Variants in PABPC5 observed in about 807,000 individuals in gnomAD.
PABPC5 encodes poly(A) binding protein cytoplasmic 5.
Under a neutral mutation model 12.6 loss-of-function variants are expected in PABPC5, and 6 were observed. The ratio of observed to expected loss-of-function variants is 0.48; its 90% CI spans 0.26 to 0.94. The LOEUF is 0.94. Ranked by LOEUF, PABPC5 falls within the 40% of genes least tolerant of loss-of-function variation. The pLI is 0.14. For synonymous variants in PABPC5, 124 were observed against 118.4 expected (o/e 1.05, Z -0.31); for missense variants, 244 against 302.8 (o/e 0.81, Z 1.44).
Position 91,436,108 on chromosome X carries a change from T to C in PABPC5, c.531T>C (p.Val177=). Residue 177 remains valine, a synonymous_variant, in exon 2 of 2, where the codon GTT becomes GTC. Coordinates refer to ENST00000312600, the MANE Select transcript of PABPC5 (RefSeq NM_080832.3). ...GGCTCAACAACCGCCAGGTGTATGT[T>C]GGCAGATTCAAATTCCCAGAAGAGC... ...GVRLNNRQVY[V]GRFKFPEERA... The C allele has an allele frequency of 4.1e-6, 5 of 1,211,936 alleles. No individual in the cohort carries two copies. Among genetic ancestry groups the C allele is most frequent in the Non-Finnish European group, 5.6e-6 (5 of 895,598 alleles).
intron 1 of PABPC5, 131 bp from the exon 2 acceptor site, chrX:91,435,304 G>A: frequency 3.5e-6 from 1 of 283,653 alleles, no homozygotes; most frequent in East Asian, 5.4e-5. Context: ...TTTTGAAACT[G>A]ATTTTAAATC....
In PABPC5 at chrX:91,437,460, G is replaced by T. The variant is rs1191514333; in HGVS notation, c.*734G>T. On this transcript the variant is annotated 3_prime_UTR_variant, in exon 2 of 2. Transcript: ENST00000312600. ...AAACCTTTCCTAAGAGATTTGGTAT[G>T]TGAGGATACTTTCAGTACCACTCCT... 8.1e-6 allele frequency: 1 copy of T among 123,050 alleles called. No individual in the cohort carries two copies. The highest frequency in any genetic ancestry group is 9.5e-5 in the Admixed American group (1 of 10,551). 10.1% of individuals were successfully genotyped at this position (123,050 alleles called of 1,213,427 possible).
rs898095509 is a variant in PABPC5 at position 91,436,626 on chromosome X, C to T, written c.1049C>T (p.Ser350Phe). Reference sequence around the variant, plus strand: ...GGATTTGGTGTGGTCTGCTTTTCCTCTTTTGAAGAGGCTACCAAAGCAGTG... The same window carrying T: ...GGATTTGGTGTGGTCTGCTTTTCCTTTTTTGAAGAGGCTACCAAAGCAGTG... ...GKGFGVVCFS[S>F]FEEATKAVDE... Residue 350 changes from serine (S) to phenylalanine (F), a missense_variant, in exon 2 of 2, where the codon TCT (serine) becomes TTT (phenylalanine). Ser to Phe is a radical substitution (Grantham distance 155). This residue lies in a region of PABPC5 where 211 missense variants were observed against 261.5 expected (regional missense o/e 0.81). Coordinates refer to ENST00000312600, the MANE Select transcript of PABPC5 (RefSeq NM_080832.3). 5 of 1,211,511 alleles carry T rather than the reference C, an allele frequency of 4.1e-6. No individual in the cohort carries two copies. The highest frequency in any genetic ancestry group is 5.6e-6 in the Non-Finnish European group (5 of 895,489).
chrX:91,435,408 A>C (rs1931580731), intron 1 of PABPC5, 27 bp from the exon 2 acceptor site: 3 of 450,188 alleles, frequency 6.7e-6, no homozygotes, highest in Non-Finnish European at 1.1e-5. Flanking sequence ...CCTGCTGACC[A>C]GCTGTTTCTG....
rs1411003864 is a variant in PABPC5 at position 91,436,315 on chromosome X, T to C, written c.738T>C (p.Tyr246=). The change falls in exon 2 of 2, where the codon TAT becomes TAC. Residue 246 remains tyrosine, a synonymous_variant. Transcript: ENST00000312600. ...CTAAAGGCTTTGGATTTGTGAGATATGAGACACACGAGGCTGCCCAAAAGG... is the reference window on the plus strand; with the variant it reads ...CTAAAGGCTTTGGATTTGTGAGATACGAGACACACGAGGCTGCCCAAAAGG... ...GKSKGFGFVR[Y]ETHEAAQKAV... is the part of the protein sequence containing the mutation. 4 of 1,209,819 alleles carry C rather than the reference T, an allele frequency of 3.3e-6. No individual in the cohort carries two copies. Among genetic ancestry groups the C allele is most frequent in the Non-Finnish European group, 4.5e-6 (4 of 895,316 alleles).
rs1931584777 is a variant in PABPC5, at chrX:91,435,588, G to A, written c.11G>A (p.Gly4Glu). 1 of 1,204,156 alleles carries A rather than the reference G, an allele frequency of 8.3e-7. No individual in the cohort carries two copies. The highest frequency in any genetic ancestry group is 1.1e-6 in the Non-Finnish European group (1 of 891,185). Residue 4 changes from glycine (G) to glutamate (E), a missense_variant, in exon 2 of 2, where the codon GGG (glycine) becomes GAG (glutamate). Gly to Glu is a moderately conservative substitution (Grantham distance 98). Coordinates refer to ENST00000312600, the MANE Select transcript of PABPC5 (RefSeq NM_080832.3). ...CCAGTGCTCAGAGAGATGGGGAGCGGGGAGCCTAATCCTGCTGGCAAGAAA... is the reference window on the plus strand; with the variant it reads ...CCAGTGCTCAGAGAGATGGGGAGCGAGGAGCCTAATCCTGCTGGCAAGAAA... MGS[G>E]EPNPAGKKKK...
rs770843647 is a variant in PABPC5 at position 91,436,201 on chromosome X, C to T, written c.624C>T (p.Asp208=). The change falls in exon 2 of 2, where the codon GAC becomes GAT. Residue 208 remains aspartate, a synonymous_variant. Coordinates refer to ENST00000312600, the MANE Select transcript of PABPC5 (RefSeq NM_080832.3). Reference sequence around the variant, plus strand: ...ATGTTTTCGTTAAAAACATTGGAGACGACATAGATGACGAAAAACTGAAGG... The same window carrying T: ...ATGTTTTCGTTAAAAACATTGGAGATGACATAGATGACGAAAAACTGAAGG... ...FTNVFVKNIG[D]DIDDEKLKEL... 3.3e-6 allele frequency: 4 copies of T among 1,211,215 alleles called. No individual in the cohort carries two copies. In the Admixed American group the frequency reaches 6.5e-5, roughly 20 times the overall value.
At position 91,436,705 on chromosome X, in the gene PABPC5, C is replaced by T. The variant is rs750384974; in HGVS notation, c.1128C>T (p.Gly376=). Reference sequence around the variant, plus strand: ...CCAAGCCCCTGCATGTCACCCTGGGCCAGGCCAGGCGCAGGTGCTGAGAAT... The same window carrying T: ...CCAAGCCCCTGCATGTCACCCTGGGTCAGGCCAGGCGCAGGTGCTGAGAAT... ...VGSKPLHVTL[G]QARRRC The change falls in exon 2 of 2, where the codon GGC becomes GGT. Residue 376 remains glycine, a synonymous_variant. Coordinates refer to ENST00000312600, the MANE Select transcript of PABPC5 (RefSeq NM_080832.3). 8.3e-7 allele frequency: 1 copy of T among 1,208,637 alleles called. No homozygotes were observed. The highest frequency in any genetic ancestry group is 2.2e-5 in the Admixed American group (1 of 45,913).
rs1569326903 is a variant in PABPC5 at position 91,435,937 on chromosome X, G to C, written c.360G>C (p.Arg120Ser). ...IKNLDKSIDN[R>S]ALFYLFSAFG... is the part of the protein sequence containing the mutation. ...ACCTGGACAAATCCATAGACAATAG[G>C]GCCCTGTTTTACTTATTTTCTGCTT... The change falls in exon 2 of 2, where the codon AGG becomes AGC. Residue 120 changes from arginine (R) to serine (S), a missense_variant. Coordinates refer to ENST00000312600, the MANE Select transcript of PABPC5 (RefSeq NM_080832.3). 1 of 1,211,284 alleles carries C rather than the reference G, an allele frequency of 8.3e-7. No homozygotes were observed.
In PABPC5 at chrX:91,436,943, C is replaced by G; in HGVS notation, c.*217C>G. The G allele has an allele frequency of 2.6e-6, 1 of 381,727 alleles. No homozygotes were observed. The highest frequency in any genetic ancestry group is 4.5e-6 in the Non-Finnish European group (1 of 220,358). 31.5% of individuals were successfully genotyped at this position (381,727 alleles called of 1,213,427 possible). A position where few individuals can be genotyped will look rare whatever the true frequency, so the allele number is the denominator to read the frequency against. Reference sequence around the variant, plus strand: ...TTTGTACTTTTTTTGATGTAATATCCTTAGAAATCTGTAGAATAAAGTGTA... The same window carrying G: ...TTTGTACTTTTTTTGATGTAATATCGTTAGAAATCTGTAGAATAAAGTGTA... On this transcript the variant is annotated 3_prime_UTR_variant, in exon 2 of 2. Coordinates refer to ENST00000312600, the MANE Select transcript of PABPC5 (RefSeq NM_080832.3).
At position 91,437,625 on chromosome X, in the gene PABPC5, A is replaced by G. The variant is rs1931624946; in HGVS notation, c.*899A>G. 8.1e-6 allele frequency: 1 copy of G among 123,343 alleles called. No homozygotes were observed. Among genetic ancestry groups the G allele is most frequent in the Non-Finnish European group, 1.9e-5 (1 of 53,167 alleles). 10.2% of individuals were successfully genotyped at this position (123,343 alleles called of 1,213,427 possible). ...TTCGGGTTTTATCAACTGTCAATAT[A>G]AAAGGCAGTACTCCACAGAATGATG... On this transcript the variant is annotated 3_prime_UTR_variant, in exon 2 of 2. Transcript: ENST00000312600.
chrX:91,436,834 G>A lies in PABPC5; in HGVS notation c.*108G>A. ...TAATTCACAAGTTTTTTTTTGAAGT[G>A]AATTCTTTTGAAAAAAAAATGCAAA... On this transcript the variant is annotated 3_prime_UTR_variant, in exon 2 of 2. Coordinates refer to ENST00000312600, the MANE Select transcript of PABPC5 (RefSeq NM_080832.3). 2 of 673,133 alleles carry A rather than the reference G, an allele frequency of 3.0e-6. No homozygotes were observed. Among genetic ancestry groups the A allele is most frequent in the Non-Finnish European group, 4.2e-6 (2 of 478,554 alleles). The allele number at this position is 673,133 out of a possible 1,213,427, so 55.5% of individuals were successfully genotyped here.
rs1931622748 is a variant in PABPC5 at position 91,437,490 on chromosome X, T to C, written c.*764T>C. The C allele has an allele frequency of 8.1e-6, 1 of 123,399 alleles. No individual in the cohort carries two copies. The highest frequency in any genetic ancestry group is 3.2e-5 in the African/African-American group (1 of 30,861). 10.2% of individuals were successfully genotyped at this position (123,399 alleles called of 1,213,427 possible). A position where few individuals can be genotyped will look rare whatever the true frequency, so the allele number is the denominator to read the frequency against. ...GATACTTTCAGTACCACTCCTACCA[T>C]TCATTTTTCTAAATTCCTTAGTACA... On this transcript the variant is annotated 3_prime_UTR_variant, in exon 2 of 2. Coordinates refer to ENST00000312600, the MANE Select transcript of PABPC5 (RefSeq NM_080832.3).
rs772131904 is a variant in PABPC5 at position 91,436,777 on chromosome X, G to C, written c.*51G>C. 9.3e-7 allele frequency: 1 copy of C among 1,078,408 alleles called. No individual in the cohort carries two copies. The highest frequency in any genetic ancestry group is 1.2e-6 in the Non-Finnish European group (1 of 810,691). The allele number at this position is 1,078,408 out of a possible 1,213,427, so 88.9% of individuals were successfully genotyped here. A position where few individuals can be genotyped will look rare whatever the true frequency, so the allele number is the denominator to read the frequency against. On this transcript the variant is annotated 3_prime_UTR_variant, in exon 2 of 2. Coordinates refer to ENST00000312600, the MANE Select transcript of PABPC5 (RefSeq NM_080832.3). Reference sequence around the variant, plus strand: ...GCCTTAGTTGGTGCCTCCTTAGTTTGGGCTCCTTTGTGATAAGGGGTTATT... The same window carrying C: ...GCCTTAGTTGGTGCCTCCTTAGTTTCGGCTCCTTTGTGATAAGGGGTTATT...
rs1303147996 is a variant in PABPC5, at chrX:91,437,759, G to A, written c.*1033G>A. 8.2e-6 allele frequency: 1 copy of A among 121,486 alleles called. No individual in the cohort carries two copies. Among genetic ancestry groups the A allele is most frequent in the Admixed American group, 9.7e-5 (1 of 10,270 alleles). 10.0% of individuals were successfully genotyped at this position (121,486 alleles called of 1,213,427 possible). ...CAGGTGTTTCAAAGGTAAGGAATAG[G>A]TTGTCTCTTGGATTAAGTCATATGC... On this transcript the variant is annotated 3_prime_UTR_variant, in exon 2 of 2. Coordinates refer to ENST00000312600, the MANE Select transcript of PABPC5 (RefSeq NM_080832.3).
Position 91,437,542 on chromosome X carries a change from A to C in PABPC5, c.*816A>C, listed in dbSNP as rs1264548475. The C allele has an allele frequency of 8.1e-6, 1 of 123,562 alleles. No homozygotes were observed. The highest frequency in any genetic ancestry group is 1.9e-5 in the Non-Finnish European group (1 of 53,227). 10.2% of individuals were successfully genotyped at this position (123,562 alleles called of 1,213,427 possible). ...ATACTTGGATCATGTTAAATTAACA[A>C]GAAAGATGAATAACTGCGCTGAATT... On this transcript the variant is annotated 3_prime_UTR_variant, in exon 2 of 2. Transcript: ENST00000312600.
Position 91,435,981 on chromosome X carries a change from G to A in PABPC5, c.404G>A (p.Cys135Tyr). 1 of 1,211,573 alleles carries A rather than the reference G, an allele frequency of 8.3e-7. No homozygotes were observed. Among genetic ancestry groups the A allele is most frequent in the Non-Finnish European group, 1.1e-6 (1 of 895,466 alleles). ...LFSAFGNILSCKVVCDDNGSK... is the reference protein window; with the variant it reads ...LFSAFGNILSYKVVCDDNGSK... ...TCTGCTTTTGGGAACATTCTGTCCTGCAAAGTCGTATGCGATGACAACGGC... is the reference window on the plus strand; with the variant it reads ...TCTGCTTTTGGGAACATTCTGTCCTACAAAGTCGTATGCGATGACAACGGC... Residue 135 changes from cysteine (C) to tyrosine (Y), a missense_variant, in exon 2 of 2, where the codon TGC (cysteine) becomes TAC (tyrosine). By Grantham distance (194) the Cys-to-Tyr change is radical. This residue lies in a region of PABPC5 where 211 missense variants were observed against 261.5 expected (regional missense o/e 0.81). Coordinates refer to ENST00000312600, the MANE Select transcript of PABPC5 (RefSeq NM_080832.3).
chrX:91,436,084 G>A lies in PABPC5; in HGVS notation c.507G>A (p.Arg169=), dbSNP rs762964586. 8.3e-7 allele frequency: 1 copy of A among 1,211,966 alleles called. No homozygotes were observed. Among genetic ancestry groups the A allele is most frequent in the Admixed American group, 2.2e-5 (1 of 46,051 alleles). The change falls in exon 2 of 2, where the codon CGG becomes CGA. Residue 169 remains arginine (R), a synonymous_variant. Coordinates refer to ENST00000312600, the MANE Select transcript of PABPC5 (RefSeq NM_080832.3). Reference sequence around the variant, plus strand: ...CCATCTGGCACATGAATGGAGTGCGGCTCAACAACCGCCAGGTGTATGTTG... The same window carrying A: ...CCATCTGGCACATGAATGGAGTGCGACTCAACAACCGCCAGGTGTATGTTG... ...NRAIWHMNGV[R]LNNRQVYVGR... is the part of the protein sequence containing the mutation.
Position 91,436,369 on chromosome X carries a change from C to T in PABPC5, c.792C>T (p.Ile264=), listed in dbSNP as rs781301174. Residue 264 remains isoleucine (I), a synonymous_variant, in exon 2 of 2, where the codon ATC becomes ATT. Transcript: ENST00000312600. ...TGCTAGACTTGCATGGAAAGTCCATCGATGGAAAAGTCCTCTATGTAGGGC... is the reference window on the plus strand; with the variant it reads ...TGCTAGACTTGCATGGAAAGTCCATTGATGGAAAAGTCCTCTATGTAGGGC... ...KAVLDLHGKS[I]DGKVLYVGRA... 1 of 1,211,339 alleles carries T rather than the reference C, an allele frequency of 8.3e-7. No individual in the cohort carries two copies. Among genetic ancestry groups the T allele is most frequent in the Non-Finnish European group, 1.1e-6 (1 of 895,455 alleles).
Sources: gnomAD v4.1 joint callset for allele counts on GRCh38, gnomAD v4.1.1 for gene constraint, gnomAD v4.1.1 regional missense constraint, MANE v1.5 for transcripts, NCBI Gene and HGNC (gene_info 2026-07-23, HGNC 2026-07-21) for gene names.